SMYD3: variants seen among roughly 807,000 people sequenced by gnomAD.
The protein encoded by SMYD3 is SET and MYND domain containing 3.
A neutral mutation model predicts 57.7 loss-of-function variants in SMYD3; 36 were observed. That is an observed-to-expected ratio of 0.62 (90% CI 0.48 to 0.82). The LOEUF (loss-of-function observed/expected upper bound fraction) is 0.82. Among genes scored for constraint, SMYD3 ranks in the 40% least tolerant of loss-of-function variants. SMYD3 has a pLI of 0.00. For missense variants in SMYD3, 515 were observed against 538.8 expected, an observed-to-expected ratio of 0.96 and a Z score of 0.44; for synonymous variants, 211 against 195.0, an observed-to-expected ratio of 1.08 and a Z score of -0.68.
At chr1:246,309,535 T>C (rs143810607) in intron 5 of SMYD3, among the ~76,000 whole-genome samples, 186 of 152,326 alleles carry the variant, frequency 1.2e-3, no homozygotes, top group African/African-American at 4.2e-3. Flanking sequence ...TTCTATTTTG[T>C]TTCTCATACT....
At chr1:246,126,549 T>C (rs1052062598) in intron 5 of SMYD3, among the ~76,000 whole-genome samples, 1 of 152,372 alleles carries the variant, frequency 6.6e-6, no homozygotes, top group South Asian at 2.1e-4. Context: ...TTGTTCATCA[T>C]TGTGAAAAAT....
At chr1:246,125,331 T>C (rs550672637) in intron 5 of SMYD3, among the ~76,000 whole-genome samples, 8 of 152,320 alleles carry the variant, frequency 5.3e-5, no homozygotes, top group African/African-American at 1.9e-4. Context: ...ATCTGAAGAA[T>C]ATGCACTGGC....
intron 8 of SMYD3, among the ~76,000 whole-genome samples, chr1:245,881,252 C>T (rs991087820): frequency 7.9e-5 from 12 of 152,110 alleles, no homozygotes; most frequent in African/African-American, 2.7e-4. Context: ...ACACCAGGGG[C>T]ATGAACTGCA....
chr1:245,817,361 A>C (rs1430769776), intron 10 of SMYD3, among the ~76,000 whole-genome samples: 3 of 146,660 alleles, frequency 2.0e-5, no homozygotes, highest in Non-Finnish European at 3.0e-5. Context: ...GAAAACTAAC[A>C]AACAGAAAGC....
intron 10 of SMYD3, among the ~76,000 whole-genome samples, chr1:245,794,857 A>C (rs972570155): frequency 2.6e-5 from 4 of 151,810 alleles, no homozygotes; most frequent in African/African-American, 7.2e-5. Context: ...TTCTTGTTTC[A>C]CATATGTTTG....
At chr1:245,961,202 G>A (rs2057996858) in intron 5 of SMYD3, among the ~76,000 whole-genome samples, 1 of 152,160 alleles carries the variant, frequency 6.6e-6, no homozygotes, top group Non-Finnish European at 1.5e-5. Context: ...CCCATCAGCA[G>A]AGCCGCACAT....
chr1:246,305,738 AC>A (rs1315844421), intron 5 of SMYD3, among the ~76,000 whole-genome samples: 2 of 152,216 alleles, frequency 1.3e-5, no homozygotes, highest in African/African-American at 2.4e-5. Context: ...GAATAAAAAA[AC>A]ATTTTAAGGT....
intron 8 of SMYD3, among the ~76,000 whole-genome samples, chr1:245,876,208 C>A (rs2052476096): frequency 6.6e-6 from 1 of 152,166 alleles, no homozygotes; most frequent in Non-Finnish European, 1.5e-5. Context: ...AAACTGCAGA[C>A]CTGTTGTTCC....
rs114282898 is a variant in SMYD3 at position 245,981,928 on chromosome 1, G to C, written c.532-51991C>G. Among the ~76,000 whole-genome samples, 70 of 152,236 alleles carry C rather than the reference G, an allele frequency of 4.6e-4. 4 individuals are homozygous for C. On this transcript the variant is annotated intron_variant, in intron 5 of 11. Coordinates refer to ENST00000490107, the MANE Select transcript of SMYD3 (RefSeq NM_001167740.2). ...AGGTCTTCAAACCAGGCTTGGGCAG[G>C]CGAGTCTCCCAGCCCTCCCTCCAGC...
intron 5 of SMYD3, among the ~76,000 whole-genome samples, chr1:245,932,303 G>C (rs1232984910): frequency 6.6e-6 from 1 of 152,110 alleles, no homozygotes; most frequent in Non-Finnish European, 1.5e-5. Flanking sequence ...CATGGATTCT[G>C]ATGGAATGTT....
At chr1:245,958,419 T>C (rs2057912509) in intron 5 of SMYD3, among the ~76,000 whole-genome samples, 1 of 152,172 alleles carries the variant, frequency 6.6e-6, no homozygotes, top group African/African-American at 2.4e-5. Context: ...CAGAACACCA[T>C]ACACCATTTT....
chr1:245,879,859 C>T (rs531262402), intron 8 of SMYD3, among the ~76,000 whole-genome samples: 5 of 152,322 alleles, frequency 3.3e-5, no homozygotes, highest in African/African-American at 1.2e-4. Flanking sequence ...CTATCTTTGA[C>T]CAATGCTTAT....
Position 246,463,464 on chromosome 1 carries a change from A to C in SMYD3, c.164+43590T>G, listed in dbSNP as rs1308865029. ...GAAGATTGAGAATACTGTTTTAAAC[A>C]TGTGGAATTTCCAGCTCCTCTGAGA... On this transcript the variant is annotated intron_variant, in intron 1 of 11. Coordinates refer to ENST00000490107, the MANE Select transcript of SMYD3 (RefSeq NM_001167740.2). Among the ~76,000 whole-genome samples the C allele has an allele frequency of 3.4e-5, 5 of 147,044 alleles. No individual in the cohort carries two copies. In the East Asian group the frequency reaches 9.7e-4, roughly 28 times the overall value.
At chr1:245,775,921 C>A (rs1170736327) in intron 10 of SMYD3, among the ~76,000 whole-genome samples, 1 of 151,740 alleles carries the variant, frequency 6.6e-6, no homozygotes. Flanking sequence ...GTCTAAGATA[C>A]AAGAAAAAAT....
intron 11 of SMYD3, among the ~76,000 whole-genome samples, chr1:245,759,617 C>T (rs951310588): frequency 6.6e-5 from 10 of 152,144 alleles, no homozygotes; most frequent in Non-Finnish European, 1.5e-4. Context: ...ATCAGGGCAG[C>T]CGATGCAGGA....
chr1:246,372,304 C>G lies in SMYD3; in HGVS notation c.165-17210G>C, dbSNP rs952859760. On this transcript the variant is annotated intron_variant, in intron 1 of 11. Transcript: ENST00000490107. ...GCCCAAGAGAAGGCTCTCCATGGCC[C>G]TAAAATACCACTCAGATATTTTTCT... 2.6e-5 allele frequency among the ~76,000 whole-genome samples: 4 copies of G among 152,320 alleles called. No homozygotes were observed. The East Asian group carries it at 7.7e-4, about 29-fold the overall frequency.
intron 1 of SMYD3, among the ~76,000 whole-genome samples, chr1:246,463,661 C>CAAAAAAAAAAAAAAAAAAAAA: frequency 1.4e-5 from 1 of 73,126 alleles, no homozygotes; most frequent in Non-Finnish European, 2.4e-5. Context: ...ACTAAAAATA[C>CAAAAAAAAAAAAAAAAAAAAA]AAAAAAAAAA....
At chr1:246,167,270 C>T (rs1177724672) in intron 5 of SMYD3, among the ~76,000 whole-genome samples, 1 of 152,048 alleles carries the variant, frequency 6.6e-6, no homozygotes, top group Non-Finnish European at 1.5e-5. Flanking sequence ...AATTAAGTAT[C>T]AGTTTTCCAT....
intron 5 of SMYD3, among the ~76,000 whole-genome samples, chr1:246,095,194 C>A (rs1484411030): frequency 3.9e-5 from 6 of 152,166 alleles, no homozygotes; most frequent in African/African-American, 9.7e-5. Flanking sequence ...AGCACAAATA[C>A]AACTTCATAC....
Sources: allele counts gnomAD v4.1 joint callset (sites outside exome capture counted in the v4.1 genomes callset), GRCh38; gene constraint gnomAD v4.1.1; transcripts MANE v1.5; gene names NCBI Gene and HGNC (gene_info 2026-07-23, HGNC 2026-07-21).